Variants in KALRN observed in about 807,000 individuals in gnomAD.
KALRN encodes kalirin.
In KALRN, 70 loss-of-function variants were observed where a neutral mutation model predicts 353.7. The ratio of observed to expected loss-of-function variants is 0.20; its 90% CI spans 0.16 to 0.24. The LOEUF (loss-of-function observed/expected upper bound fraction) is 0.24. KALRN is among the 10% of genes least tolerant of loss of function. The pLI is 1.00. For synonymous variants in KALRN, 1,391 were observed against 1,434.8 expected (o/e 0.97, Z 0.69); for missense variants, 2,791 against 3,756.7 (o/e 0.74, Z 6.72).
chr3:124,697,759 T>C, intron 55 of KALRN, 35 bp downstream of exon 55: 1 of 1,475,378 alleles, frequency 6.8e-7, no homozygotes. Flanking sequence ...TTCTTTTCTC[T>C]TCTTTTAAAA....
chr3:124,208,321 T>G (rs75118601), intron 1 of KALRN, among the ~76,000 whole-genome samples: 1,843 of 152,330 alleles, frequency 0.012, 27 homozygotes, highest in African/African-American at 0.04. Context: ...CTTCAAATGC[T>G]GTAAGTCTGG....
chr3:124,392,345 A>G (rs2089518659), intron 11 of KALRN, among the ~76,000 whole-genome samples: 1 of 152,212 alleles, frequency 6.6e-6, no homozygotes, highest in African/African-American at 2.4e-5. Context: ...GACACTGTTG[A>G]TAAGTAAGAT....
chr3:124,185,543 C>G (rs2074113793), intron 1 of KALRN, among the ~76,000 whole-genome samples: 1 of 152,194 alleles, frequency 6.6e-6, no homozygotes, highest in Non-Finnish European at 1.5e-5. Context: ...TGTGATCCTC[C>G]AAGGTTGAGG....
intron 45 of KALRN, among the ~76,000 whole-genome samples, chr3:124,662,193 CTTTTTTTTTTTTTT>C (rs10549005): frequency 1.0e-5 from 1 of 96,860 alleles, no homozygotes; most frequent in Non-Finnish European, 1.9e-5. Context: ...ACCCAGAATT[CTTTTTTTTTTTTTT>C]TTTTTTTTTT....
At chr3:124,343,002 A>G (rs531693372) in intron 9 of KALRN, among the ~76,000 whole-genome samples, 1 of 152,276 alleles carries the variant, frequency 6.6e-6, no homozygotes, top group South Asian at 2.1e-4. Context: ...ATAGCCAATT[A>G]CCAAGTCCTG....
chr3:124,056,850 A>G (rs1481996108), intron 1 of KALRN, among the ~76,000 whole-genome samples: 3 of 152,228 alleles, frequency 2.0e-5, no homozygotes, highest in African/African-American at 7.2e-5. Flanking sequence ...GCTTCCCAGG[A>G]AAGTTCAGTC....
At chr3:124,406,793 T>C (rs140137716) in intron 13 of KALRN, among the ~76,000 whole-genome samples, 175 of 151,950 alleles carry the variant, frequency 1.2e-3, no homozygotes, top group African/African-American at 4.0e-3. Context: ...CCTGTTTTAC[T>C]AACTTTACTA....
At position 124,365,876 on chromosome 3, in the gene KALRN, G is replaced by A. The variant is rs183001551; in HGVS notation, c.1770+18611G>A. ...AACTTACAGTGCCACTTCAGACATA[G>A]GCTCTAGGGGTGTGATCAGAGCACC... is the stretch of plus-strand genomic sequence containing the variant. On this transcript the variant is annotated intron_variant, in intron 10 of 59. Transcript: ENST00000682506. 1.9e-3 allele frequency among the ~76,000 whole-genome samples: 288 copies of A among 152,300 alleles called. No individual in the cohort carries two copies. In the Middle Eastern group the frequency reaches 0.02, roughly 11 times the overall value.
At chr3:124,311,492 A>G (rs1302178604) in intron 6 of KALRN, among the ~76,000 whole-genome samples, 1 of 152,108 alleles carries the variant, frequency 6.6e-6, no homozygotes, top group Non-Finnish European at 1.5e-5. Flanking sequence ...CTCTGATAAT[A>G]ACAAATGTTA....
intron 1 of KALRN, among the ~76,000 whole-genome samples, chr3:124,095,521 G>A (rs770603168): frequency 9.9e-5 from 15 of 152,168 alleles, no homozygotes; most frequent in Non-Finnish European, 1.3e-4. Context: ...TAGCTTCACA[G>A]AACTATTACT....
At chr3:124,615,820 G>A (rs1234803635) in intron 34 of KALRN, among the ~76,000 whole-genome samples, 1 of 152,148 alleles carries the variant, frequency 6.6e-6, no homozygotes, top group Non-Finnish European at 1.5e-5. Flanking sequence ...TGCGGGAAGA[G>A]CACAGACTTG....
At chr3:124,657,939 AC>A in intron 41 of KALRN, 136 bp downstream of exon 41, 3 of 671,210 alleles carry the variant, frequency 4.5e-6, no homozygotes, top group Non-Finnish European at 5.2e-6. Context: ...GGGTGGCTTG[AC>A]CCCAGGAATT....
chr3:124,478,490 A>G (rs186670898), intron 27 of KALRN, among the ~76,000 whole-genome samples: 2 of 152,212 alleles, frequency 1.3e-5, no homozygotes, highest in Admixed American at 6.5e-5. Context: ...TGACACTTGA[A>G]TGGAAGGAAG....
chr3:124,686,963 G>A (rs1489485132), intron 51 of KALRN, among the ~76,000 whole-genome samples: 2 of 151,532 alleles, frequency 1.3e-5, no homozygotes, highest in African/African-American at 2.4e-5. Context: ...CTACAGGCAC[G>A]TGCCACCATG....
chr3:124,401,638 T>C (rs946706779), intron 13 of KALRN, among the ~76,000 whole-genome samples: 5 of 152,112 alleles, frequency 3.3e-5, no homozygotes, highest in Non-Finnish European at 7.4e-5. Flanking sequence ...GAGGGCCTCA[T>C]AAAATGAGGG....
chr3:124,315,767 T>C (rs896854943), intron 6 of KALRN, among the ~76,000 whole-genome samples: 5 of 152,246 alleles, frequency 3.3e-5, no homozygotes, highest in African/African-American at 9.6e-5. Context: ...AGCTGACTTA[T>C]GCCTTTCTTT....
At chr3:124,376,779 G>T (rs951123046) in intron 10 of KALRN, among the ~76,000 whole-genome samples, 1 of 152,192 alleles carries the variant, frequency 6.6e-6, no homozygotes, top group Admixed American at 6.5e-5. Flanking sequence ...TGGGTTGAGT[G>T]ACTATTGAAA....
At chr3:124,330,240 TCTCTCTCACACA>T (rs2080373486) in intron 8 of KALRN, among the ~76,000 whole-genome samples, 1 of 109,996 alleles carries the variant, frequency 9.1e-6, no homozygotes, top group South Asian at 3.1e-4. Context: ...TCTCTCTCTC[TCTCTCTCACACA>T]CACACACACA....
At chr3:124,571,248 G>A (rs2110054516) in intron 34 of KALRN, among the ~76,000 whole-genome samples, 1 of 152,340 alleles carries the variant, frequency 6.6e-6, no homozygotes, top group African/African-American at 2.4e-5. Flanking sequence ...GCTTAGAGCA[G>A]AACAAAATGT....
Sources: gnomAD v4.1 joint callset for allele counts (sites outside exome capture counted in the v4.1 genomes callset) on GRCh38, gnomAD v4.1.1 for gene constraint, MANE v1.5 for transcripts, NCBI Gene and HGNC (gene_info 2026-07-23, HGNC 2026-07-21) for gene names.